Variants in NOL4 observed in about 807,000 individuals in gnomAD.
The protein encoded by NOL4 is nucleolar protein 4.
Under a neutral mutation model 75.9 loss-of-function variants are expected in NOL4, and 17 were observed. The ratio of observed to expected loss-of-function variants is 0.22; its 90% CI spans 0.15 to 0.34. The LOEUF is 0.34. Ranked by LOEUF, NOL4 falls within the 10% of genes least tolerant of loss-of-function variation. The probability of loss-of-function intolerance (pLI) is 1.00; values close to 1 mark genes in which losing one functional copy is unlikely to be tolerated. For synonymous variants in NOL4, 292 were observed against 289.9 expected (o/e 1.01, Z -0.07); for missense variants, 614 against 793.5 (o/e 0.77, Z 2.72).
intron 5 of NOL4, among the ~76,000 whole-genome samples, chr18:34,024,414 A>G (rs1338480149): frequency 5.3e-5 from 8 of 151,490 alleles, no homozygotes; most frequent in Admixed American, 5.3e-4. Flanking sequence ...TATAGATGTA[A>G]ATAGCCTTGC....
chr18:34,186,590 C>T (rs9962334), intron 1 of NOL4, among the ~76,000 whole-genome samples: 2,422 of 152,242 alleles, frequency 0.016, 70 homozygotes, highest in African/African-American at 0.056. Context: ...AAACTATGTG[C>T]CATTCCACAG....
chr18:34,152,617 T>C (rs148688931), intron 1 of NOL4, among the ~76,000 whole-genome samples: 66 of 151,884 alleles, frequency 4.3e-4, no homozygotes, highest in Middle Eastern at 3.4e-3. Context: ...ATGAGACAGA[T>C]CACCCTTATG....
intron 1 of NOL4, among the ~76,000 whole-genome samples, chr18:34,175,691 T>C (rs1180917380): frequency 2.0e-5 from 3 of 152,164 alleles, no homozygotes; most frequent in Non-Finnish European, 2.9e-5. Context: ...GGAGAATTTA[T>C]TGGTTCCAAG....
intron 5 of NOL4, among the ~76,000 whole-genome samples, chr18:34,046,955 T>A (rs2076407293): frequency 6.6e-6 from 1 of 152,046 alleles, no homozygotes; most frequent in African/African-American, 2.4e-5. Context: ...TAATTTATGA[T>A]CATTCATTGA....
chr18:33,890,829 C>T (rs7227012), intron 9 of NOL4, among the ~76,000 whole-genome samples: 2,518 of 152,026 alleles, frequency 0.017, 61 homozygotes, highest in African/African-American at 0.057. Flanking sequence ...TATAGTGCTA[C>T]TGCAAACAAG....
At chr18:33,953,231 T>C (rs1164079298) in intron 8 of NOL4, among the ~76,000 whole-genome samples, 1 of 151,092 alleles carries the variant, frequency 6.6e-6, no homozygotes, top group Non-Finnish European at 1.5e-5. Flanking sequence ...ATTTCTTTTG[T>C]GTAGGATATT....
intron 5 of NOL4, among the ~76,000 whole-genome samples, chr18:34,065,364 A>G (rs767824637): frequency 6.6e-6 from 1 of 151,818 alleles, no homozygotes; most frequent in Non-Finnish European, 1.5e-5. Flanking sequence ...CCTCACATAA[A>G]CTGGTTTCCA....
intron 9 of NOL4, among the ~76,000 whole-genome samples, chr18:33,932,036 G>A (rs1003486742): frequency 6.6e-6 from 1 of 152,078 alleles, no homozygotes; most frequent in Non-Finnish European, 1.5e-5. Flanking sequence ...ACATATACAT[G>A]TCAGAGGACA....
At chr18:34,205,737 C>T (rs2036079024) in intron 1 of NOL4, among the ~76,000 whole-genome samples, 2 of 152,016 alleles carry the variant, frequency 1.3e-5, no homozygotes, top group South Asian at 4.2e-4. Context: ...TAGCAGATAA[C>T]CAAGACCCTA....
At chr18:33,976,018 AAG>A (rs1402059316) in intron 6 of NOL4, among the ~76,000 whole-genome samples, 1 of 152,204 alleles carries the variant, frequency 6.6e-6, no homozygotes, top group Non-Finnish European at 1.5e-5. Context: ...TCTTATGAGA[AAG>A]AGTTTTTTGA....
intron 1 of NOL4, among the ~76,000 whole-genome samples, chr18:34,148,725 G>T (rs774857512): frequency 2.3e-4 from 35 of 152,008 alleles, no homozygotes; most frequent in Non-Finnish European, 4.6e-4. Context: ...ATGTCTATTA[G>T]GTCTGCTTGG....
intron 2 of NOL4, among the ~76,000 whole-genome samples, chr18:34,116,514 T>A (rs188492246): frequency 1.3e-5 from 2 of 152,326 alleles, no homozygotes; most frequent in East Asian, 1.9e-4. Context: ...AAATCTGAAA[T>A]TTTAAAAGCA....
chr18:34,086,889 G>A (rs1050736511), intron 5 of NOL4, among the ~76,000 whole-genome samples: 4 of 152,068 alleles, frequency 2.6e-5, no homozygotes, highest in East Asian at 3.9e-4. Context: ...TGTGGCAATT[G>A]TCATAACTAA....
At chr18:34,173,395 A>G (rs2033233203) in intron 1 of NOL4, among the ~76,000 whole-genome samples, 1 of 152,152 alleles carries the variant, frequency 6.6e-6, no homozygotes, top group Non-Finnish European at 1.5e-5. Context: ...TGTCCCTACC[A>G]TATGCACACA....
chr18:34,196,119 T>C (rs917500398), intron 1 of NOL4, among the ~76,000 whole-genome samples: 5 of 152,124 alleles, frequency 3.3e-5, no homozygotes, highest in Admixed American at 1.3e-4. Flanking sequence ...AACTGCAAAA[T>C]ATCAGATTCT....
At chr18:34,133,912 A>G (rs2080774286) in intron 1 of NOL4, among the ~76,000 whole-genome samples, 2 of 152,180 alleles carry the variant, frequency 1.3e-5, no homozygotes, top group South Asian at 2.1e-4. Flanking sequence ...AGTCCCAGCT[A>G]CTCAGGAGGC....
At chr18:34,206,542 T>C (rs60890879) in intron 1 of NOL4, among the ~76,000 whole-genome samples, 6,431 of 152,236 alleles carry the variant, frequency 0.042, 439 homozygotes, top group African/African-American at 0.14. Context: ...TTATTTTCTT[T>C]CAGCATTTTA....
chr18:34,108,022 GGA>G (rs2079394266), intron 2 of NOL4, among the ~76,000 whole-genome samples: 1 of 152,184 alleles, frequency 6.6e-6, no homozygotes, highest in African/African-American at 2.4e-5. Context: ...CATGGTTGAA[GGA>G]GAGTGAAGTG....
At chr18:34,202,710 C>T (rs1397455668) in intron 1 of NOL4, among the ~76,000 whole-genome samples, 3 of 151,962 alleles carry the variant, frequency 2.0e-5, no homozygotes, top group Non-Finnish European at 4.4e-5. Context: ...TGACAGTTAT[C>T]TTCAAATCCA....
Sources: allele counts gnomAD v4.1 joint callset (sites outside exome capture counted in the v4.1 genomes callset), GRCh38; gene constraint gnomAD v4.1.1; transcripts MANE v1.5; gene names NCBI Gene and HGNC (gene_info 2026-07-23, HGNC 2026-07-21).